Variants in ABHD10 observed in about 807,000 individuals in gnomAD.
ABHD10 encodes the protein abhydrolase domain containing 10, depalmitoylase, also known as palmitoyl-protein thioesterase ABHD10, mitochondrial.
In ABHD10, 22 loss-of-function variants were observed where a neutral mutation model predicts 33.1. The observed-to-expected ratio is 0.66, with a 90% CI of 0.47 to 0.95. The LOEUF is 0.95. Among genes scored for constraint, ABHD10 ranks in the 40% least tolerant of loss-of-function variants. The pLI is 0.00. For synonymous variants in ABHD10, 146 were observed against 133.9 expected (o/e 1.09, Z -0.62); for missense variants, 352 against 379.9 (o/e 0.93, Z 0.61).
In ABHD10 at chr3:111,987,145, A is replaced by G. The variant is rs3804765; in HGVS notation, c.576+94A>G. The G allele has an allele frequency of 0.25, 357,181 of 1,440,640 alleles. 46,895 individuals are homozygous for G. Among genetic ancestry groups the G allele is most frequent in the East Asian group, 0.5 (21,241 of 42,570 alleles). 89.2% of individuals were successfully genotyped at this position (1,440,640 alleles called of 1,614,324 possible). On this transcript the variant is annotated intron_variant, in intron 4 of 4. Transcript: ENST00000273359. Reference sequence around the variant, plus strand: ...TTGAGGGAAGGGGGGACAGAAAACAATAATTCCTTTGACTTACTGTGCTGG... The same window carrying G: ...TTGAGGGAAGGGGGGACAGAAAACAGTAATTCCTTTGACTTACTGTGCTGG...
intron 2 of ABHD10, among the ~76,000 whole-genome samples, chr3:111,984,269 T>C (rs2107710767): frequency 6.6e-6 from 1 of 152,290 alleles, no homozygotes; most frequent in Admixed American, 6.5e-5. Context: ...TCCAAAATCG[T>C]TTCACTTCAA....
chr3:111,984,290 A>C (rs1235358861), intron 2 of ABHD10, among the ~76,000 whole-genome samples: 1 of 152,146 alleles, frequency 6.6e-6, no homozygotes, highest in African/African-American at 2.4e-5. Context: ...ACCTAAAGAA[A>C]AATTTAATTT....
intron 2 of ABHD10, among the ~76,000 whole-genome samples, chr3:111,985,246 G>A (rs1272818082): frequency 1.3e-5 from 2 of 152,122 alleles, no homozygotes; most frequent in Admixed American, 6.5e-5. Context: ...CTAGAGTTTA[G>A]GTAACCTGTG....
At chr3:111,979,228 G>C (rs1395937876) in intron 1 of ABHD10, 25 bp downstream of exon 1, 2 of 1,576,406 alleles carry the variant, frequency 1.3e-6, no homozygotes, top group Non-Finnish European at 1.7e-6. Context: ...GGCGGGAGTA[G>C]GATGCGTTCT....
At position 111,991,856 on chromosome 3, in the gene ABHD10, TG is replaced by T; in HGVS notation, c.*136del. 1.5e-6 allele frequency: 1 copy of T among 664,932 alleles called. No homozygotes were observed. The highest frequency in any genetic ancestry group is 2.3e-6 in the Non-Finnish European group (1 of 426,728). The allele number at this position is 664,932 out of a possible 1,614,324, so 41.2% of individuals were successfully genotyped here. On this transcript the variant is annotated 3_prime_UTR_variant, in exon 5 of 5. Coordinates refer to ENST00000273359, the MANE Select transcript of ABHD10 (RefSeq NM_018394.4). ...ATATAAGATGAGTATTATTTAATGATGTATTTGCATAAGTAATGCAAATTGT... is the reference window on the plus strand; with the variant it reads ...ATATAAGATGAGTATTATTTAATGATTATTTGCATAAGTAATGCAAATTGT...
chr3:111,987,202 A>ACAACCT, intron 4 of ABHD10, 151 bp downstream of exon 4: 1 of 718,530 alleles, frequency 1.4e-6, no homozygotes, highest in South Asian at 1.9e-5. Context: ...CTTTCTGTAC[A>ACAACCT]CAACCTCTTT....
Position 111,991,864 on chromosome 3 carries a change from C to A in ABHD10, c.*143C>A. ...TGAGTATTATTTAATGATGTATTTG[C>A]ATAAGTAATGCAAATTGTGAAGAAG... On this transcript the variant is annotated 3_prime_UTR_variant, in exon 5 of 5. Transcript: ENST00000273359. The A allele has an allele frequency of 1.6e-6, 1 of 622,390 alleles. No homozygotes were observed. 38.6% of individuals were successfully genotyped at this position (622,390 alleles called of 1,614,324 possible). A position where few individuals can be genotyped will look rare whatever the true frequency, so the allele number is the denominator to read the frequency against.
rs1039911198 is a variant in ABHD10 at position 111,991,457 on chromosome 3, C to T, written c.657C>T (p.Tyr219=). Reference sequence around the variant, plus strand: ...AAGAAGGAGTTTATAACGTTCAGTACAGTTTCATTAAAGAAGCTGAACATC... The same window carrying T: ...AAGAAGGAGTTTATAACGTTCAGTATAGTTTCATTAAAGAAGCTGAACATC... ...YSEEGVYNVQ[Y]SFIKEAEHHC... The change falls in exon 5 of 5, where the codon TAC becomes TAT. Residue 219 remains tyrosine (Y), a synonymous_variant. Transcript: ENST00000273359. 3 of 1,614,056 alleles carry T rather than the reference C, an allele frequency of 1.9e-6. No homozygotes were observed. Among genetic ancestry groups the T allele is most frequent in the South Asian group, 1.1e-5 (1 of 91,062 alleles).
Position 111,981,784 on chromosome 3 carries a change from C to A in ABHD10, c.143C>A (p.Ala48Asp). ...TTTACTTTTTGTGTACTTTGTTTAG[C>A]TTGTAGACAAAAGACGTCACTCTCA... ...IPQRAPRWLP[A>D]CRQKTSLSFL... Residue 48 changes from alanine to aspartate, a missense_variant and splice_region_variant, in exon 2 of 5, where the codon GCT becomes GAT. By Grantham distance (126) the Ala-to-Asp change is moderately radical. Coordinates refer to ENST00000273359, the MANE Select transcript of ABHD10 (RefSeq NM_018394.4). The A allele has an allele frequency of 6.5e-7, 1 of 1,544,800 alleles. No individual in the cohort carries two copies. The highest frequency in any genetic ancestry group is 1.2e-5 in the South Asian group (1 of 80,450).
In ABHD10 at chr3:111,979,043, T is replaced by G; in HGVS notation, c.-19T>G. 6.2e-7 allele frequency: 1 copy of G among 1,610,480 alleles called. No individual in the cohort carries two copies. Among genetic ancestry groups the G allele is most frequent in the Non-Finnish European group, 8.5e-7 (1 of 1,178,302 alleles). On this transcript the variant is annotated 5_prime_UTR_variant, in exon 1 of 5. Transcript: ENST00000273359. ...TGTCCCTCAGTGGGACACTGCAGGGTGCGGGGACAACTACGAAGATGGCGG... is the reference window on the plus strand; with the variant it reads ...TGTCCCTCAGTGGGACACTGCAGGGGGCGGGGACAACTACGAAGATGGCGG...
chr3:111,986,024 T>C (rs1408565966), intron 2 of ABHD10, among the ~76,000 whole-genome samples: 44 of 152,112 alleles, frequency 2.9e-4, no homozygotes, highest in Non-Finnish European at 1.5e-5. Context: ...ACTATTGCAT[T>C]CAGTTAGGTT....
At chr3:111,989,925 G>T (rs1367637721) in intron 4 of ABHD10, among the ~76,000 whole-genome samples, 1 of 151,500 alleles carries the variant, frequency 6.6e-6, no homozygotes, top group Non-Finnish European at 1.5e-5. Flanking sequence ...TTTTACATTT[G>T]CAATAAATTA....
At chr3:111,989,491 G>A (rs1437663933) in intron 4 of ABHD10, among the ~76,000 whole-genome samples, 1 of 152,178 alleles carries the variant, frequency 6.6e-6, no homozygotes, top group Non-Finnish European at 1.5e-5. Flanking sequence ...TTCAGTGGCA[G>A]GTAGCAGAGC....
chr3:111,987,667 G>A (rs543118318), intron 4 of ABHD10, among the ~76,000 whole-genome samples: 3 of 152,242 alleles, frequency 2.0e-5, no homozygotes, highest in Admixed American at 6.5e-5. Context: ...ATACTGTATC[G>A]TTTAGGGAAT....
At chr3:111,990,754 A>G in intron 4 of ABHD10, 2 of 1,351,628 alleles carry the variant, frequency 1.5e-6, no homozygotes, top group South Asian at 1.6e-5. Flanking sequence ...TTGCATGAGT[A>G]TGTGTATGAT....
chr3:111,980,789 C>T (rs1169756595), intron 1 of ABHD10, among the ~76,000 whole-genome samples: 1 of 152,118 alleles, frequency 6.6e-6, no homozygotes, highest in Non-Finnish European at 1.5e-5. Flanking sequence ...TTTCCAAAAA[C>T]GATACTATCA....
In ABHD10 at chr3:111,992,014, C is replaced by T. The variant is rs764716634; in HGVS notation, c.*293C>T. ...TATGCTTATGTTAGCTATGCCAGCT[C>T]TTAATTGCATCCTTTTCTAATTAGG... On this transcript the variant is annotated 3_prime_UTR_variant, in exon 5 of 5. Coordinates refer to ENST00000273359, the MANE Select transcript of ABHD10 (RefSeq NM_018394.4). 3.1e-5 allele frequency: 7 copies of T among 222,700 alleles called. No individual in the cohort carries two copies. Among genetic ancestry groups the T allele is most frequent in the Non-Finnish European group, 5.2e-5 (6 of 115,596 alleles). The allele number at this position is 222,700 out of a possible 1,614,324, so 13.8% of individuals were successfully genotyped here. A position where few individuals can be genotyped will look rare whatever the true frequency, so the allele number is the denominator to read the frequency against.
chr3:111,985,795 C>T (rs539908560), intron 2 of ABHD10, among the ~76,000 whole-genome samples: 3 of 148,012 alleles, frequency 2.0e-5, no homozygotes, highest in African/African-American at 5.0e-5. Flanking sequence ...AGAAGCAAAG[C>T]GAAGATACAG....
chr3:111,981,479 A>C (rs1490117563), intron 1 of ABHD10, among the ~76,000 whole-genome samples: 1 of 150,336 alleles, frequency 6.7e-6, no homozygotes, highest in Non-Finnish European at 1.5e-5. Flanking sequence ...AAGCAGTAAC[A>C]AGAAAATGTT....
Sources: gnomAD v4.1 joint callset for allele counts (sites outside exome capture counted in the v4.1 genomes callset) on GRCh38, gnomAD v4.1.1 for gene constraint, MANE v1.5 for transcripts, NCBI Gene and HGNC (gene_info 2026-07-23, HGNC 2026-07-21) for gene names.